Variants in RALYL observed in about 807,000 individuals in gnomAD.
The protein encoded by RALYL is RNA-binding Raly-like protein.
A neutral mutation model predicts 35.1 loss-of-function variants in RALYL; 29 were observed. The observed-to-expected ratio is 0.83, with a 90% CI of 0.61 to 1.13. The LOEUF is 1.13. RALYL is among the 50% of genes most tolerant of loss of function. The pLI is 0.00. For synonymous variants in RALYL, 120 were observed against 127.6 expected (o/e 0.94, Z 0.40); for missense variants, 359 against 360.4 (o/e 1.00, Z 0.03).
At chr8:84,844,887 A>G (rs548011728) in intron 4 of RALYL, among the ~76,000 whole-genome samples, 159 of 151,730 alleles carry the variant, frequency 1.0e-3, no homozygotes, top group African/African-American at 3.6e-3. Flanking sequence ...CAAACGCCAC[A>G]TGTTCTCACT....
intron 1 of RALYL, among the ~76,000 whole-genome samples, chr8:84,209,009 C>T: frequency 6.7e-6 from 1 of 150,216 alleles, no homozygotes; most frequent in Non-Finnish European, 1.5e-5. Context: ...GAAGGCTGTA[C>T]TTTAGTTTTA....
chr8:84,529,695 T>C, intron 2 of RALYL, 118 bp downstream of exon 2: 1 of 714,256 alleles, frequency 1.4e-6, no homozygotes, highest in Non-Finnish European at 2.1e-6. Flanking sequence ...TTAGAGTGAT[T>C]TTATATTTAT....
At chr8:84,495,029 G>C (rs939465633) in intron 1 of RALYL, among the ~76,000 whole-genome samples, 6 of 151,950 alleles carry the variant, frequency 3.9e-5, no homozygotes, top group Non-Finnish European at 4.4e-5. Context: ...ATATTGGCTT[G>C]GATTTGTCAC....
chr8:84,320,043 G>A (rs1254961955), intron 1 of RALYL, among the ~76,000 whole-genome samples: 3 of 151,886 alleles, frequency 2.0e-5, no homozygotes, highest in Non-Finnish European at 2.9e-5. Flanking sequence ...TATAAGCTGG[G>A]TAAATGCTTT....
intron 2 of RALYL, among the ~76,000 whole-genome samples, chr8:84,712,453 T>TTCCCTCTCTGTGTCTCTCTCTC (rs371394185): frequency 1.3e-5 from 2 of 152,122 alleles, no homozygotes; most frequent in African/African-American, 4.8e-5. Flanking sequence ...CTCTCTCTCT[T>TTCCCTCTCTGTGTCTCTCTCTC]TCTCTCTCTG....
At chr8:84,863,017 A>G (rs2135073230) in intron 6 of RALYL, among the ~76,000 whole-genome samples, 1 of 152,334 alleles carries the variant, frequency 6.6e-6, no homozygotes, top group South Asian at 2.1e-4. Flanking sequence ...CAGCGATACA[A>G]ACTTTCCAAC....
At chr8:84,301,247 C>T (rs758028665) in intron 1 of RALYL, among the ~76,000 whole-genome samples, 4 of 152,056 alleles carry the variant, frequency 2.6e-5, no homozygotes, top group African/African-American at 7.2e-5. Flanking sequence ...GATGAAAGGT[C>T]GACTGTTGGC....
chr8:84,352,721 A>C (rs1175702096), intron 1 of RALYL, among the ~76,000 whole-genome samples: 1 of 150,270 alleles, frequency 6.7e-6, no homozygotes, highest in Non-Finnish European at 1.5e-5. Context: ...TTTATTTCTC[A>C]TTACAATCCT....
rs1005539995 is a variant in RALYL at position 84,468,503 on chromosome 8, C to T, written c.-23-60796C>T. Reference sequence around the variant, plus strand: ...CTCTTCTGGCTTGTAGGGTTTCTGCCGAGAGATCTGCTGTTAGTCTGATGG... The same window carrying T: ...CTCTTCTGGCTTGTAGGGTTTCTGCTGAGAGATCTGCTGTTAGTCTGATGG... On this transcript the variant is annotated intron_variant, in intron 1 of 8. Coordinates refer to ENST00000521268, the MANE Select transcript of RALYL (RefSeq NM_173848.7). Among the ~76,000 whole-genome samples the T allele has an allele frequency of 2.1e-4, 31 of 149,502 alleles. No homozygotes were observed. In the South Asian group the frequency reaches 3.7e-3, roughly 18 times the overall value.
At chr8:84,294,193 G>T (rs946423210) in intron 1 of RALYL, among the ~76,000 whole-genome samples, 6 of 152,036 alleles carry the variant, frequency 3.9e-5, no homozygotes, top group African/African-American at 9.7e-5. Context: ...TGTAAGAAGG[G>T]TTTAAAAGAT....
At chr8:84,234,769 A>AT (rs113212845) in intron 1 of RALYL, among the ~76,000 whole-genome samples, 14,699 of 148,800 alleles carry the variant, frequency 0.099, 1,059 homozygotes, top group African/African-American at 0.19. Context: ...TTATTTATTT[A>AT]TTTTTTTTTT....
intron 1 of RALYL, among the ~76,000 whole-genome samples, chr8:84,369,833 A>AT (rs370653719): frequency 4.0e-4 from 61 of 152,192 alleles, no homozygotes; most frequent in African/African-American, 1.3e-3. Flanking sequence ...ATTCTTACGA[A>AT]TTTTTTTCTT....
intron 2 of RALYL, among the ~76,000 whole-genome samples, chr8:84,768,585 G>A (rs1163517594): frequency 6.6e-6 from 1 of 152,182 alleles, no homozygotes; most frequent in African/African-American, 2.4e-5. Flanking sequence ...CCCAGGGTAA[G>A]TTCAAAACGC....
At chr8:84,503,703 G>C (rs1280558908) in intron 1 of RALYL, among the ~76,000 whole-genome samples, 1 of 151,026 alleles carries the variant, frequency 6.6e-6, no homozygotes, top group African/African-American at 2.4e-5. Context: ...ACAAAAATTA[G>C]CCAGGCGTGG....
rs565070533 is a variant in RALYL, at chr8:84,666,555, C to CA, written c.257-108018dup. Among the ~76,000 whole-genome samples the CA allele has an allele frequency of 1.6e-4, 25 of 152,048 alleles. 1 individual carries two copies. In the South Asian group the frequency reaches 4.8e-3, roughly 29 times the overall value. On this transcript the variant is annotated intron_variant, in intron 2 of 8. Transcript: ENST00000521268. ...CGCATTTGTGCCAACTGAGGAGTTACAAAAAATACTGTTTCTGGGTTCCAC... is the reference window on the plus strand; with the variant it reads ...CGCATTTGTGCCAACTGAGGAGTTACAAAAAAATACTGTTTCTGGGTTCCAC...
intron 2 of RALYL, among the ~76,000 whole-genome samples, chr8:84,615,583 T>TC (rs1819355756): frequency 6.9e-6 from 1 of 144,352 alleles, no homozygotes; most frequent in Non-Finnish European, 1.5e-5. Flanking sequence ...TTTTTTTTTT[T>TC]TTTTTTTTTT....
intron 1 of RALYL, among the ~76,000 whole-genome samples, chr8:84,453,599 C>G (rs1206394331): frequency 6.6e-6 from 1 of 151,770 alleles, no homozygotes; most frequent in African/African-American, 2.4e-5. Flanking sequence ...GAAATATATT[C>G]AAAGTGCCAA....
At chr8:84,700,555 A>G (rs758262541) in intron 2 of RALYL, among the ~76,000 whole-genome samples, 1 of 152,148 alleles carries the variant, frequency 6.6e-6, no homozygotes, top group Non-Finnish European at 1.5e-5. Context: ...GGAAATCGTT[A>G]TTTTTCCCTA....
At chr8:84,866,784 T>G (rs987076432) in intron 6 of RALYL, among the ~76,000 whole-genome samples, 1 of 152,108 alleles carries the variant, frequency 6.6e-6, no homozygotes, top group African/African-American at 2.4e-5. Flanking sequence ...GTTAATAAAC[T>G]GAGGACATTA....
Sources: gnomAD v4.1 joint callset for allele counts (sites outside exome capture counted in the v4.1 genomes callset) on GRCh38, gnomAD v4.1.1 for gene constraint, MANE v1.5 for transcripts, NCBI Gene and HGNC (gene_info 2026-07-23, HGNC 2026-07-21) for gene names.